MTA3: variants seen among roughly 807,000 people sequenced by gnomAD.
MTA3 encodes metastasis associated 1 family member 3.
Under a neutral mutation model 83.5 loss-of-function variants are expected in MTA3, and 34 were observed. The observed-to-expected ratio is 0.41, with a 90% CI of 0.31 to 0.54. The LOEUF (loss-of-function observed/expected upper bound fraction) is 0.54, where lower values mean the gene tolerates loss of function less well. Ranked by LOEUF, MTA3 falls within the 20% of genes least tolerant of loss-of-function variation. MTA3 has a pLI of 0.33. For synonymous variants in MTA3, 303 were observed against 252.7 expected (o/e 1.20, Z -1.89); for missense variants, 761 against 726.4 (o/e 1.05, Z -0.55).
chr2:42,604,998 C>G (rs914555407), intron 3 of MTA3, among the ~76,000 whole-genome samples: 32 of 150,564 alleles, frequency 2.1e-4, no homozygotes, highest in Admixed American at 1.5e-3. Flanking sequence ...CACACAGACA[C>G]GGCAACCATC....
chr2:42,646,426 C>T (rs1354803845), intron 6 of MTA3, among the ~76,000 whole-genome samples: 1 of 152,112 alleles, frequency 6.6e-6, no homozygotes, highest in Non-Finnish European at 1.5e-5. Flanking sequence ...AGTAGTCAAT[C>T]GAAAACCTTC....
intron 4 of MTA3, among the ~76,000 whole-genome samples, chr2:42,629,373 C>T (rs1686450115): frequency 6.6e-6 from 1 of 152,238 alleles, no homozygotes; most frequent in East Asian, 1.9e-4. Flanking sequence ...TCCACCGTGC[C>T]CAGCGGATAG....
chr2:42,689,428 G>A (rs998835075), intron 9 of MTA3, among the ~76,000 whole-genome samples: 2 of 152,048 alleles, frequency 1.3e-5, no homozygotes, highest in African/African-American at 4.8e-5. Flanking sequence ...AGAATGAGTT[G>A]GGAAGTATTC....
At chr2:42,740,616 C>G (rs1353804186) in intron 16 of MTA3, among the ~76,000 whole-genome samples, 2 of 152,254 alleles carry the variant, frequency 1.3e-5, no homozygotes, top group Non-Finnish European at 2.9e-5. Flanking sequence ...CAGCATTCAT[C>G]TCCTTGTACA....
intron 10 of MTA3, 46 bp from the exon 11 acceptor site, chr2:42,697,730 T>A: frequency 7.9e-7 from 1 of 1,260,578 alleles, no homozygotes; most frequent in Non-Finnish European, 1.1e-6. Flanking sequence ...ACAGTAGTAA[T>A]AATTAGGCAT....
At chr2:42,630,514 G>A (rs143630638) in intron 4 of MTA3, among the ~76,000 whole-genome samples, 2 of 152,326 alleles carry the variant, frequency 1.3e-5, no homozygotes, top group East Asian at 3.9e-4. Context: ...TAAGTAAATT[G>A]TGGAGTAAAT....
rs181792309 is a variant in MTA3 at position 42,574,619 on chromosome 2, A to C, written c.96+4115A>C. On this transcript the variant is annotated intron_variant, in intron 2 of 16. Coordinates refer to ENST00000405094, the MANE Select transcript of MTA3 (RefSeq NM_001330442.2). ...ACCCAGCTAATTTTTTTGTATTTTT[A>C]GTGAAGACAGGGTTTCACCATGTTG... Among the ~76,000 whole-genome samples, 751 of 151,302 alleles carry C rather than the reference A, an allele frequency of 5.0e-3. 16 individuals carry two copies. Among genetic ancestry groups the C allele is most frequent in the Admixed American group, 0.042 (630 of 15,174 alleles).
intron 4 of MTA3, among the ~76,000 whole-genome samples, chr2:42,617,845 C>T (rs1030162237): frequency 6.6e-6 from 1 of 151,970 alleles, no homozygotes. Context: ...GAAAATGCCA[C>T]TTTACATCTA....
intron 8 of MTA3, among the ~76,000 whole-genome samples, chr2:42,668,441 G>C (rs1351457522): frequency 6.6e-6 from 1 of 152,170 alleles, no homozygotes; most frequent in Non-Finnish European, 1.5e-5. Context: ...CGACCTTCCA[G>C]CCTCGGAAAA....
In MTA3 at chr2:42,549,176, A is replaced by AAT. The variant is rs1339401021; in HGVS notation, c.-140-21251_-140-21250dup. Among the ~76,000 whole-genome samples the AAT allele has an allele frequency of 6.5e-5, 9 of 138,066 alleles. No homozygotes were observed. The East Asian group carries it at 1.2e-3, about 19-fold the overall frequency. The allele number at this position is 138,066 out of a possible 152,430, so 90.6% of individuals were successfully genotyped here. On this transcript the variant is annotated intron_variant, in intron 2 of 17. Transcript: ENST00000405592. The stretch of plus-strand genomic sequence containing the variant: ...CAACAAGAGCAAAACTCCATCTTAA[A>AAT]ATATATATATAATATATATATGTAT...
intron 3 of MTA3, among the ~76,000 whole-genome samples, chr2:42,603,405 C>G (rs1682826199): frequency 6.6e-6 from 1 of 152,088 alleles, no homozygotes; most frequent in African/African-American, 2.4e-5. Flanking sequence ...AAAAATAGTA[C>G]AGTAGCATGT....
At chr2:42,586,460 T>G (rs1333466963) in intron 3 of MTA3, among the ~76,000 whole-genome samples, 1 of 89,292 alleles carries the variant, frequency 1.1e-5, no homozygotes, top group African/African-American at 4.6e-5. Context: ...AAGAAACCGG[T>G]ACAAAGAAGG....
At chr2:42,525,601 C>CCTTTCCTT (rs1675663693) in intron 2 of MTA3, among the ~76,000 whole-genome samples, 1 of 61,438 alleles carries the variant, frequency 1.6e-5, no homozygotes, top group African/African-American at 1.1e-4. Context: ...TTCCTTCCTT[C>CCTTTCCTT]CTTTCCTTCC....
intron 12 of MTA3, among the ~76,000 whole-genome samples, chr2:42,707,604 T>C (rs1156903859): frequency 6.6e-6 from 1 of 152,128 alleles, no homozygotes; most frequent in African/African-American, 2.4e-5. Context: ...ACATACACAA[T>C]AGAGTATTTT....
chr2:42,610,404 A>G (rs1009136245), intron 4 of MTA3, among the ~76,000 whole-genome samples: 1 of 152,196 alleles, frequency 6.6e-6, no homozygotes, highest in Non-Finnish European at 1.5e-5. Flanking sequence ...GTATGCATTG[A>G]TAGCATACAA....
At chr2:42,699,565 A>G (rs946343732) in intron 11 of MTA3, among the ~76,000 whole-genome samples, 2 of 152,220 alleles carry the variant, frequency 1.3e-5, no homozygotes, top group Admixed American at 1.3e-4. Context: ...GAGAGGAAAG[A>G]TAACACTAGC....
rs575358127 is a variant in MTA3 at position 42,596,656 on chromosome 2, C to T, written c.191-12802C>T. ...TATTAATACTTTAAAATTGATGTCA[C>T]ATTGCTTATTGATCATTAAATGAGG... On this transcript the variant is annotated intron_variant, in intron 3 of 16. Coordinates refer to ENST00000405094, the MANE Select transcript of MTA3 (RefSeq NM_001330442.2). 3.9e-5 allele frequency among the ~76,000 whole-genome samples: 6 copies of T among 152,278 alleles called. No homozygotes were observed. The East Asian group carries it at 1.2e-3, about 29-fold the overall frequency.
At chr2:42,583,391 T>C (rs1679888820) in intron 3 of MTA3, among the ~76,000 whole-genome samples, 1 of 152,204 alleles carries the variant, frequency 6.6e-6, no homozygotes, top group South Asian at 2.1e-4. Flanking sequence ...GTCTGAAGAA[T>C]TCATGTTTTA....
At chr2:42,710,311 G>A (rs1311884190) in intron 14 of MTA3, among the ~76,000 whole-genome samples, 2 of 152,136 alleles carry the variant, frequency 1.3e-5, no homozygotes, top group Non-Finnish European at 2.9e-5. Flanking sequence ...CCAGTACTTT[G>A]GGAGGCCGAG....
Sources: gnomAD v4.1 joint callset for allele counts (sites outside exome capture counted in the v4.1 genomes callset) on GRCh38, gnomAD v4.1.1 for gene constraint, MANE v1.5 for transcripts, NCBI Gene and HGNC (gene_info 2026-07-23, HGNC 2026-07-21) for gene names.